RHD: variants seen among roughly 807,000 people sequenced by gnomAD.
The protein encoded by RHD is Rh blood group D antigen.
In RHD, 16 loss-of-function variants were observed where a neutral mutation model predicts 45.5. The ratio of observed to expected loss-of-function variants is 0.35; its 90% CI spans 0.24 to 0.53. RHD has a LOEUF of 0.53. Ranked by LOEUF, RHD falls within the 20% of genes least tolerant of loss-of-function variation. RHD has a pLI of 0.92. For synonymous variants in RHD, 131 were observed against 217.5 expected, an observed-to-expected ratio of 0.60 and a Z score of 3.50; for missense variants, 306 against 532.0, an observed-to-expected ratio of 0.58 and a Z score of 4.18.
At chr1:25,299,778 G>C (rs1480376019) in intron 3 of RHD, among the ~76,000 whole-genome samples, 9 of 132,766 alleles carry the variant, frequency 6.8e-5, no homozygotes, top group South Asian at 2.3e-4. Flanking sequence ...TTGACGCAGT[G>C]TCACTCTGTC....
At chr1:25,312,655 T>C (rs1644209176) in intron 7 of RHD, among the ~76,000 whole-genome samples, 1 of 126,404 alleles carries the variant, frequency 7.9e-6, no homozygotes, top group South Asian at 2.5e-4. Context: ...GAGGCTGAGG[T>C]GAGAGGATCA....
Position 25,311,188 on chromosome 1 carries a change from G to A in RHD, c.1073+4459G>A, listed in dbSNP as rs998141222. 4.6e-5 allele frequency among the ~76,000 whole-genome samples: 6 copies of A among 131,646 alleles called. 1 individual carries two copies. The highest frequency in any genetic ancestry group is 4.4e-4 in the Admixed American group (6 of 13,576). The allele number at this position is 131,646 out of a possible 152,430, so 86.4% of individuals were successfully genotyped here. A position where few individuals can be genotyped will look rare whatever the true frequency, so the allele number is the denominator to read the frequency against. On this transcript the variant is annotated intron_variant, in intron 7 of 9. Coordinates refer to ENST00000328664, the MANE Select transcript of RHD (RefSeq NM_016124.6). ...ACTGAAGAACCACGTGTTGGAAACTGGAGCAAAGGTCATCCTTTTTATAAA... is the reference window on the plus strand; with the variant it reads ...ACTGAAGAACCACGTGTTGGAAACTAGAGCAAAGGTCATCCTTTTTATAAA...
chr1:25,290,785 C>A lies in RHD; in HGVS notation c.480C>A (p.Ile160=), dbSNP rs1642433469. ...ACCTGAGGATGGTCATCAGTAATAT[C>A]TTCAACGTGAGTCATGGTGCTGGGA... ...LGNLRMVISN[I]FNTDYHMNMM... is the part of the protein sequence containing the mutation. The change falls in exon 3 of 10, where the codon ATC becomes ATA. Residue 160 remains isoleucine (I), a synonymous_variant. Coordinates refer to ENST00000328664, the MANE Select transcript of RHD (RefSeq NM_016124.6). The A allele has an allele frequency of 7.3e-7, 1 of 1,376,792 alleles. No homozygotes were observed. Among genetic ancestry groups the A allele is most frequent in the African/African-American group, 1.4e-5 (1 of 70,174 alleles). 85.3% of individuals were successfully genotyped at this position (1,376,792 alleles called of 1,614,324 possible). A position where few individuals can be genotyped will look rare whatever the true frequency, so the allele number is the denominator to read the frequency against.
Position 25,313,908 on chromosome 1 carries a change from A to C in RHD, c.1074-3092A>C, listed in dbSNP as rs545812689. Among the ~76,000 whole-genome samples the C allele has an allele frequency of 1.9e-4, 25 of 133,428 alleles. 3 individuals carry two copies. The highest frequency in any genetic ancestry group is 8.0e-4 in the Admixed American group (11 of 13,708). The allele number at this position is 133,428 out of a possible 152,430, so 87.5% of individuals were successfully genotyped here. ...ATAAATGAATGCCAGATAGGCAAAT[A>C]GAGAATCTAAGAAAAGATAGTTGGA... On this transcript the variant is annotated intron_variant, in intron 7 of 9. Transcript: ENST00000328664.
chr1:25,321,201 G>A (rs1484040485), intron 8 of RHD, among the ~76,000 whole-genome samples: 1 of 129,598 alleles, frequency 7.7e-6, no homozygotes, highest in East Asian at 2.0e-4. Context: ...ACCTATAGGA[G>A]CACCCAATTG....
At chr1:25,295,847 G>A (rs1411496479) in intron 3 of RHD, among the ~76,000 whole-genome samples, 1 of 104,038 alleles carries the variant, frequency 9.6e-6, no homozygotes, top group African/African-American at 3.2e-5. Context: ...GGGAATATGG[G>A]AAATTTTTTT....
intron 7 of RHD, among the ~76,000 whole-genome samples, chr1:25,309,174 G>A (rs1644008811): frequency 7.6e-6 from 1 of 132,224 alleles, no homozygotes; most frequent in Admixed American, 7.3e-5. Flanking sequence ...ATGAGCATAT[G>A]TGATTGAGTC....
intron 1 of RHD, among the ~76,000 whole-genome samples, chr1:25,277,555 C>T (rs1571577357): frequency 7.6e-6 from 1 of 131,134 alleles, no homozygotes; most frequent in African/African-American, 2.6e-5. Context: ...AGACCTTGGG[C>T]AGATTAGTCA....
intron 3 of RHD, among the ~76,000 whole-genome samples, chr1:25,296,645 T>C (rs557930337): frequency 1.5e-5 from 2 of 131,460 alleles, no homozygotes; most frequent in East Asian, 3.9e-4. Context: ...TGGGAGGTGA[T>C]TGGATCACAG....
rs1644946457 is a variant in RHD, at chr1:25,329,506, GTGC to G, written c.*585_*587del. 4.9e-6 allele frequency: 1 copy of G among 206,174 alleles called. No individual in the cohort carries two copies. The highest frequency in any genetic ancestry group is 2.5e-5 in the African/African-American group (1 of 39,896). 12.8% of individuals were successfully genotyped at this position (206,174 alleles called of 1,614,324 possible). ...GATCTGCCCGCCTCGGCCTCCCAAA[GTGC>G]TGGAACCACAGGCCTGAGCCACTGT... is the stretch of plus-strand genomic sequence containing the variant. On this transcript the variant is annotated 3_prime_UTR_variant, in exon 10 of 10. Transcript: ENST00000328664.
At position 25,275,832 on chromosome 1, in the gene RHD, A is replaced by G. The variant is rs558207630; in HGVS notation, c.148+3137A>G. 4.5e-3 allele frequency among the ~76,000 whole-genome samples: 600 copies of G among 132,388 alleles called. 73 individuals carry two copies. The highest frequency in any genetic ancestry group is 0.015 in the African/African-American group (578 of 38,772). 86.9% of individuals were successfully genotyped at this position (132,388 alleles called of 152,430 possible). ...TTGACTTGTCAGATCTGATTAGATCAACATGTTTTAAATCTCGAATGTGAC... is the reference window on the plus strand; with the variant it reads ...TTGACTTGTCAGATCTGATTAGATCGACATGTTTTAAATCTCGAATGTGAC... On this transcript the variant is annotated intron_variant, in intron 1 of 9. Transcript: ENST00000328664.
chr1:25,319,502 T>C (rs1188971505), intron 8 of RHD, among the ~76,000 whole-genome samples: 11 of 131,154 alleles, frequency 8.4e-5, no homozygotes, highest in African/African-American at 1.6e-4. Flanking sequence ...CCAGCTGCTC[T>C]GGAGGCTGAG....
At chr1:25,276,236 T>C (rs907926276) in intron 1 of RHD, among the ~76,000 whole-genome samples, 1 of 130,046 alleles carries the variant, frequency 7.7e-6, no homozygotes, top group Non-Finnish European at 1.8e-5. Context: ...GAGAGGCACA[T>C]TGAAATGGCA....
intron 1 of RHD, among the ~76,000 whole-genome samples, chr1:25,276,555 A>C (rs1641011497): frequency 1.1e-5 from 1 of 88,224 alleles, no homozygotes; most frequent in Admixed American, 1.2e-4. Context: ...AAAAAAAAAA[A>C]CTTTAAAATT....
rs1251167297 is a variant in RHD, at chr1:25,308,578, C to T, written c.1073+1849C>T. ...CAATTTCTATGGTACAAACGCTTCC[C>T]GCATGACTGAGTTCAAGCTGTCAAG... On this transcript the variant is annotated intron_variant, in intron 7 of 9. Transcript: ENST00000328664. Among the ~76,000 whole-genome samples, 8 of 131,930 alleles carry T rather than the reference C, an allele frequency of 6.1e-5. 1 individual carries two copies. In the South Asian group the frequency reaches 9.2e-4, roughly 15 times the overall value. The allele number at this position is 131,930 out of a possible 152,430, so 86.6% of individuals were successfully genotyped here.
chr1:25,282,074 G>A lies in RHD; in HGVS notation c.149-2499G>A, dbSNP rs1337001840. 9.9e-5 allele frequency among the ~76,000 whole-genome samples: 13 copies of A among 131,424 alleles called. 4 individuals are homozygous for A. The highest frequency in any genetic ancestry group is 3.1e-4 in the African/African-American group (12 of 38,504). 86.2% of individuals were successfully genotyped at this position (131,424 alleles called of 152,430 possible). ...GATGAACAGTCACTATTTATTGAGCGTTCTCCATGTGCCAGTCACTGTACT... is the reference window on the plus strand; with the variant it reads ...GATGAACAGTCACTATTTATTGAGCATTCTCCATGTGCCAGTCACTGTACT... On this transcript the variant is annotated intron_variant, in intron 1 of 9. Transcript: ENST00000328664.
At chr1:25,283,911 C>G (rs1460869567) in intron 1 of RHD, among the ~76,000 whole-genome samples, 2 of 134,082 alleles carry the variant, frequency 1.5e-5, no homozygotes, top group Non-Finnish European at 3.5e-5. Flanking sequence ...CCCTCAGGTG[C>G]GTCTCTTCCA....
chr1:25,279,219 C>T lies in RHD; in HGVS notation c.149-5354C>T, dbSNP rs553611127. On this transcript the variant is annotated intron_variant, in intron 1 of 9. Coordinates refer to ENST00000328664, the MANE Select transcript of RHD (RefSeq NM_016124.6). ...TGCCTAAAGTCACACCGCTAATCAG[C>T]GGCCGGCACGGGGTAACAGTTACTA... 1.1e-4 allele frequency among the ~76,000 whole-genome samples: 14 copies of T among 126,278 alleles called. 1 individual carries two copies. The highest frequency in any genetic ancestry group is 3.6e-4 in the African/African-American group (13 of 36,484). 82.8% of individuals were successfully genotyped at this position (126,278 alleles called of 152,430 possible).
chr1:25,312,233 C>T (rs1337653242), intron 7 of RHD, among the ~76,000 whole-genome samples: 2 of 96,412 alleles, frequency 2.1e-5, no homozygotes, highest in Admixed American at 2.0e-4. Context: ...AACCAGTTAC[C>T]CTTTTTCCCT....
Sources: gnomAD v4.1 joint callset for allele counts (sites outside exome capture counted in the v4.1 genomes callset) on GRCh38, gnomAD v4.1.1 for gene constraint, MANE v1.5 for transcripts, NCBI Gene and HGNC (gene_info 2026-07-23, HGNC 2026-07-21) for gene names.